Variants in KCNQ3 observed in about 807,000 individuals in gnomAD.
KCNQ3 encodes potassium voltage-gated channel subfamily KQT member 3.
A neutral mutation model predicts 92.5 loss-of-function variants in KCNQ3; 30 were observed. That is an observed-to-expected ratio of 0.32 (90% confidence interval 0.24 to 0.44). The LOEUF (loss-of-function observed/expected upper bound fraction) is 0.44. Among genes scored for constraint, KCNQ3 ranks in the 20% least tolerant of loss-of-function variants. KCNQ3 has a pLI of 1.00. For synonymous variants in KCNQ3, 450 were observed against 468.8 expected (o/e 0.96, Z 0.52); for missense variants, 913 against 1,140.3 (o/e 0.80, Z 2.87).
chr8:132,304,741 T>C (rs1416175963), intron 1 of KCNQ3, among the ~76,000 whole-genome samples: 1 of 152,170 alleles, frequency 6.6e-6, no homozygotes, highest in Non-Finnish European at 1.5e-5. Flanking sequence ...GATGAGACTT[T>C]TGGCTGTAAA....
chr8:132,187,236 T>C (rs1332395335), intron 1 of KCNQ3: 1 of 456,082 alleles, frequency 2.2e-6, no homozygotes, highest in South Asian at 1.5e-5. Context: ...TCATTCAATA[T>C]TTAAATGGCA....
intron 1 of KCNQ3, among the ~76,000 whole-genome samples, chr8:132,240,140 C>G (rs1163337222): frequency 6.6e-6 from 1 of 151,472 alleles, no homozygotes; most frequent in Admixed American, 6.6e-5. Context: ...TTTTGACACA[C>G]AGCTTGGGAG....
intron 1 of KCNQ3, among the ~76,000 whole-genome samples, chr8:132,214,273 G>GAAAACAAGCAGGT (rs1425178694): frequency 6.6e-6 from 1 of 152,144 alleles, no homozygotes; most frequent in Non-Finnish European, 1.5e-5. Context: ...ATGTACTCCT[G>GAAAACAAGCAGGT]AAAACAAGCA....
intron 1 of KCNQ3, among the ~76,000 whole-genome samples, chr8:132,242,871 C>T (rs13253490): frequency 0.44 from 67,545 of 152,036 alleles, 17,211 homozygotes; most frequent in East Asian, 0.73. Flanking sequence ...CTTCATTTTC[C>T]TAGTTTTATA....
chr8:132,136,116 CTCAAAAAAAA>C (rs1825075049), intron 12 of KCNQ3, among the ~76,000 whole-genome samples: 1 of 51,576 alleles, frequency 1.9e-5, no homozygotes. Context: ...GAGACTCCAT[CTCAAAAAAAA>C]AAAAAAAAAA....
chr8:132,466,479 A>G (rs1438661658), intron 1 of KCNQ3, among the ~76,000 whole-genome samples: 2 of 152,202 alleles, frequency 1.3e-5, no homozygotes, highest in African/African-American at 4.8e-5. Flanking sequence ...CCCCAGGAGC[A>G]CCGCTTAGGC....
chr8:132,304,362 G>A lies in KCNQ3; in HGVS notation c.387-118181C>T, dbSNP rs528797526. Among the ~76,000 whole-genome samples the A allele has an allele frequency of 5.3e-5, 8 of 152,322 alleles. No individual in the cohort carries two copies. In the South Asian group the frequency reaches 6.2e-4, roughly 12 times the overall value. On this transcript the variant is annotated intron_variant, in intron 1 of 14. Transcript: ENST00000388996. Reference sequence around the variant, plus strand: ...GCCTTAAAAAAATGAAGCTGCACACGTTTGGGGCCAGTGAGAACTGGGTCC... The same window carrying A: ...GCCTTAAAAAAATGAAGCTGCACACATTTGGGGCCAGTGAGAACTGGGTCC...
chr8:132,247,015 ATTG>A (rs1244401486), intron 1 of KCNQ3, among the ~76,000 whole-genome samples: 1 of 152,208 alleles, frequency 6.6e-6, no homozygotes, highest in East Asian at 1.9e-4. Flanking sequence ...AGTAATAATA[ATTG>A]TTATTATACT....
chr8:132,345,054 G>A lies in KCNQ3; in HGVS notation c.386+135093C>T, dbSNP rs141302456. On this transcript the variant is annotated intron_variant, in intron 1 of 14. Transcript: ENST00000388996. ...GCCCCCCTGTAATTTGCTGATCCAG[G>A]GGCATAGATTGGTGGCCCTAACTTG... Among the ~76,000 whole-genome samples the A allele has an allele frequency of 3.8e-3, 574 of 152,240 alleles. 2 individuals are homozygous for A. Among genetic ancestry groups the A allele is most frequent in the African/African-American group, 0.013 (528 of 41,554 alleles).
chr8:132,479,117 C>A (rs561507077), intron 1 of KCNQ3, among the ~76,000 whole-genome samples: 1 of 152,262 alleles, frequency 6.6e-6, no homozygotes, highest in African/African-American at 2.4e-5. Context: ...CTGCCAGCTC[C>A]GAGATGGGTG....
chr8:132,373,058 G>A (rs750195479), intron 1 of KCNQ3, among the ~76,000 whole-genome samples: 19 of 152,098 alleles, frequency 1.2e-4, no homozygotes, highest in Admixed American at 2.0e-4. Context: ...ATTCTGATTC[G>A]CTAATGGACC....
chr8:132,266,412 C>T (rs1401726627), intron 1 of KCNQ3, among the ~76,000 whole-genome samples: 1 of 152,114 alleles, frequency 6.6e-6, no homozygotes, highest in Non-Finnish European at 1.5e-5. Context: ...ACTCTGTAAA[C>T]GAGATATTAT....
intron 10 of KCNQ3, 138 bp from the exon 11 acceptor site, chr8:132,140,316 C>T (rs925702874): frequency 2.4e-5 from 15 of 630,382 alleles, no homozygotes; most frequent in Non-Finnish European, 3.1e-5. Context: ...CAAGACTCCA[C>T]GGTATTCTCA....
At chr8:132,439,169 G>C (rs948330424) in intron 1 of KCNQ3, among the ~76,000 whole-genome samples, 1 of 151,676 alleles carries the variant, frequency 6.6e-6, no homozygotes, top group African/African-American at 2.4e-5. Flanking sequence ...TTCTGGCAAA[G>C]TCAAGATTTA....
At chr8:132,376,729 T>C (rs1819619698) in intron 1 of KCNQ3, among the ~76,000 whole-genome samples, 1 of 152,218 alleles carries the variant, frequency 6.6e-6, no homozygotes, top group African/African-American at 2.4e-5. Context: ...GCATATTTGA[T>C]CTTCCCAGCC....
chr8:132,167,827 C>T (rs948048657), intron 8 of KCNQ3, among the ~76,000 whole-genome samples: 1 of 152,188 alleles, frequency 6.6e-6, no homozygotes, highest in African/African-American at 2.4e-5. Flanking sequence ...ATTGCCAACA[C>T]CTTGGGATGC....
In KCNQ3 at chr8:132,284,398, C is replaced by T. The variant is rs376164047; in HGVS notation, c.387-98217G>A. ...AATAATGACCATTTGTTAAAACCCACTATGTGTCAGTATCTGTCTCAGGTA... is the reference window on the plus strand; with the variant it reads ...AATAATGACCATTTGTTAAAACCCATTATGTGTCAGTATCTGTCTCAGGTA... On this transcript the variant is annotated intron_variant, in intron 1 of 14. Transcript: ENST00000388996. Among the ~76,000 whole-genome samples the T allele has an allele frequency of 2.6e-5, 4 of 152,260 alleles. No homozygotes were observed. The South Asian group carries it at 6.2e-4, about 24-fold the overall frequency.
intron 1 of KCNQ3, among the ~76,000 whole-genome samples, chr8:132,204,989 C>T (rs1159703176): frequency 1.3e-5 from 2 of 152,166 alleles, no homozygotes; most frequent in African/African-American, 4.8e-5. Context: ...CAGCACAGCC[C>T]TTCTCTAATG....
intron 1 of KCNQ3, among the ~76,000 whole-genome samples, chr8:132,206,215 C>T (rs949013853): frequency 9.2e-5 from 14 of 152,148 alleles, no homozygotes; most frequent in African/African-American, 3.1e-4. Flanking sequence ...GTCCTTCCAC[C>T]CTATATCACC....
Sources: gnomAD v4.1 joint callset for allele counts (sites outside exome capture counted in the v4.1 genomes callset) on GRCh38, gnomAD v4.1.1 for gene constraint, MANE v1.5 for transcripts, NCBI Gene and HGNC (gene_info 2026-07-23, HGNC 2026-07-21) for gene names.